Variants in MIPEP observed in about 807,000 individuals in gnomAD.
The protein encoded by MIPEP is mitochondrial intermediate peptidase.
A neutral mutation model predicts 90.3 loss-of-function variants in MIPEP; 79 were observed. That is an observed-to-expected ratio of 0.87 (90% CI 0.73 to 1.05). The LOEUF (loss-of-function observed/expected upper bound fraction) is 1.05. Among genes scored for constraint, MIPEP ranks in the 50% least tolerant of loss-of-function variants. The pLI, the probability that MIPEP is intolerant of heterozygous loss-of-function variation, is 0.00. For missense variants in MIPEP, 940 were observed against 905.6 expected (o/e 1.04, Z -0.49); for synonymous variants, 334 against 315.8 (o/e 1.06, Z -0.61).
At chr13:23,796,579 T>C (rs1319075822) in intron 16 of MIPEP, among the ~76,000 whole-genome samples, 1 of 140,586 alleles carries the variant, frequency 7.1e-6, no homozygotes, top group African/African-American at 2.9e-5. Context: ...TTTTTGGGAC[T>C]ACTAAAAAAA....
chr13:23,871,033 G>A (rs1160426409), intron 5 of MIPEP, among the ~76,000 whole-genome samples: 1 of 152,094 alleles, frequency 6.6e-6, no homozygotes, highest in Non-Finnish European at 1.5e-5. Flanking sequence ...CCTGTCTCAG[G>A]GGGGAATAAA....
chr13:23,826,855 A>G (rs934891440), intron 14 of MIPEP, among the ~76,000 whole-genome samples: 3 of 152,226 alleles, frequency 2.0e-5, no homozygotes, highest in Non-Finnish European at 4.4e-5. Flanking sequence ...TCAGCCCTCC[A>G]TATCTGAGGG....
At chr13:23,776,831 A>AG (rs1952723154) in intron 16 of MIPEP, among the ~76,000 whole-genome samples, 1 of 149,012 alleles carries the variant, frequency 6.7e-6, no homozygotes. Context: ...AAAAAAAAAA[A>AG]GAAGAAAATG....
chr13:23,822,576 G>A (rs1032848882), intron 14 of MIPEP, among the ~76,000 whole-genome samples: 9 of 152,200 alleles, frequency 5.9e-5, no homozygotes, highest in African/African-American at 2.2e-4. Context: ...CCATTGCTGT[G>A]TGAAAGGTCC....
chr13:23,875,099 T>C (rs565794290), intron 4 of MIPEP, among the ~76,000 whole-genome samples, 190 bp from the exon 5 acceptor site: 1 of 151,522 alleles, frequency 6.6e-6, no homozygotes, highest in East Asian at 1.9e-4. Flanking sequence ...TCCTCAGATA[T>C]TAAGGCAAAC....
intron 16 of MIPEP, among the ~76,000 whole-genome samples, chr13:23,790,631 T>C (rs565367442): frequency 1.2e-4 from 19 of 152,318 alleles, no homozygotes; most frequent in Non-Finnish European, 2.2e-4. Context: ...ATGCAGCCTG[T>C]GGCCCGGAGC....
Position 23,869,373 on chromosome 13 carries a change from T to G in MIPEP, c.862A>C (p.Ser288Arg), listed in dbSNP as rs149856612. The change falls in exon 7 of 19, where the codon AGC (serine) becomes CGC (arginine). Residue 288 changes from serine to arginine, a missense_variant. Coordinates refer to ENST00000382172, the MANE Select transcript of MIPEP (RefSeq NM_005932.4). ...QLKCLEELLS[S>R]RDLLAKLVGY... ...ACCAACTTTGCCAGAAGATCTCTGC[T>G]GCTGAGCAATTCTTCTAAACATTTC... 1,367 of 1,613,742 alleles carry G rather than the reference T, an allele frequency of 8.5e-4. 4 individuals are homozygous for G. Among genetic ancestry groups the G allele is most frequent in the South Asian group, 1.1e-3 (103 of 90,962 alleles).
chr13:23,792,852 AAGCACCCAGT>A (rs1262052882), intron 16 of MIPEP, among the ~76,000 whole-genome samples: 1 of 152,224 alleles, frequency 6.6e-6, no homozygotes, highest in Non-Finnish European at 1.5e-5. Context: ...ACATATGAAG[AAGCACCCAGT>A]ATGAGTGGGT....
chr13:23,835,925 T>C (rs998762219), intron 14 of MIPEP, among the ~76,000 whole-genome samples: 15 of 152,208 alleles, frequency 9.9e-5, no homozygotes, highest in African/African-American at 3.6e-4. Context: ...CCTATTCTAC[T>C]ACAGAACTTG....
chr13:23,886,392 G>C lies in MIPEP; in HGVS notation c.304C>G (p.Pro102Ala), dbSNP rs751555854. The change falls in exon 2 of 19, where the codon CCC becomes GCC. Residue 102 changes from proline (P) to alanine (A), a missense_variant. Transcript: ENST00000382172. ...TCATCGAAGATCAGCACGGTCTGGG[G>C]CCCAGGTGGGGTGGAACATGCACGG... ...VDRACSTPPG[P>A]QTVLIFDELS... 1.9e-6 allele frequency: 3 copies of C among 1,607,826 alleles called. No homozygotes were observed. The South Asian group carries it at 3.3e-5, about 18-fold the overall frequency.
intron 16 of MIPEP, among the ~76,000 whole-genome samples, chr13:23,781,948 C>G (rs1025760666): frequency 1.4e-4 from 22 of 151,962 alleles, no homozygotes; most frequent in Non-Finnish European, 2.5e-4. Context: ...CACCCAGATT[C>G]ATAAAGCAAG....
At chr13:23,869,941 C>T in intron 6 of MIPEP, 72 bp downstream of exon 6, 1 of 1,275,372 alleles carries the variant, frequency 7.8e-7, no homozygotes, top group African/African-American at 1.5e-5. Flanking sequence ...TATATTATCA[C>T]TGAATTTTGG....
intron 9 of MIPEP, among the ~76,000 whole-genome samples, chr13:23,861,820 A>C (rs1870319884): frequency 6.6e-6 from 1 of 152,182 alleles, no homozygotes; most frequent in South Asian, 2.1e-4. Flanking sequence ...AAGATCATAT[A>C]ATCATATGAT....
intron 16 of MIPEP, among the ~76,000 whole-genome samples, chr13:23,803,349 C>T (rs1447685219): frequency 3.9e-5 from 6 of 152,140 alleles, no homozygotes; most frequent in African/African-American, 7.2e-5. Flanking sequence ...GGAGTCAAAG[C>T]AAGACTCCAT....
intron 18 of MIPEP, chr13:23,756,312 G>A (rs769035632): frequency 6.9e-6 from 3 of 431,814 alleles, no homozygotes; most frequent in African/African-American, 4.1e-5. Context: ...CTGCCACCAC[G>A]CCCAGCTATT....
chr13:23,841,501 A>C lies in MIPEP; in HGVS notation c.1107-13T>G. 6.3e-7 allele frequency: 1 copy of C among 1,588,314 alleles called. No homozygotes were observed. The highest frequency in any genetic ancestry group is 1.9e-5 in the Admixed American group (1 of 52,512). ...CTCAATATTATACCTAAGAGAAGGA[A>C]GAGAGGTTCAACAGCATCTTTGTTT... On this transcript the variant is annotated splice_polypyrimidine_tract_variant and intron_variant, in intron 10 of 18. Coordinates refer to ENST00000382172, the MANE Select transcript of MIPEP (RefSeq NM_005932.4).
chr13:23,752,847 T>A (rs548557752), intron 18 of MIPEP, among the ~76,000 whole-genome samples: 183 of 152,178 alleles, frequency 1.2e-3, no homozygotes, highest in African/African-American at 4.2e-3. Context: ...GACAAGGCCA[T>A]ACTGTCAATC....
At chr13:23,782,868 A>C (rs1344861534) in intron 16 of MIPEP, among the ~76,000 whole-genome samples, 3 of 152,208 alleles carry the variant, frequency 2.0e-5, no homozygotes, top group African/African-American at 7.2e-5. Flanking sequence ...GAAATGGATA[A>C]ATTCCTTGAC....
intron 14 of MIPEP, among the ~76,000 whole-genome samples, chr13:23,815,279 C>A (rs1953219741): frequency 6.6e-6 from 1 of 151,750 alleles, no homozygotes; most frequent in African/African-American, 2.4e-5. Flanking sequence ...ACCTAACAAT[C>A]AAGTTCTAAA....
Sources: gnomAD v4.1 joint callset for allele counts (sites outside exome capture counted in the v4.1 genomes callset) on GRCh38, gnomAD v4.1.1 for gene constraint, MANE v1.5 for transcripts, NCBI Gene and HGNC (gene_info 2026-07-23, HGNC 2026-07-21) for gene names.